Variants in UVRAG observed in about 807,000 individuals in gnomAD.
The protein encoded by UVRAG is UV radiation resistance-associated gene protein.
UVRAG carries 19 observed loss-of-function variants against 78.0 expected under a neutral mutation model. The ratio of observed to expected loss-of-function variants is 0.24; its 90% CI spans 0.17 to 0.36. The LOEUF (loss-of-function observed/expected upper bound fraction) is 0.36, where lower values mean the gene tolerates loss of function less well. UVRAG is among the 10% of genes least tolerant of loss of function. UVRAG has a pLI of 1.00. For synonymous variants in UVRAG, 323 were observed against 324.6 expected (o/e 1.00, Z 0.05); for missense variants, 740 against 853.8 (o/e 0.87, Z 1.66).
At chr11:75,949,249 C>T (rs1021936801) in intron 6 of UVRAG, among the ~76,000 whole-genome samples, 1 of 152,084 alleles carries the variant, frequency 6.6e-6, no homozygotes, top group Non-Finnish European at 1.5e-5. Flanking sequence ...ACCAGCTCTC[C>T]CAGCTGTCCT....
chr11:75,886,092 C>A (rs191746923), intron 4 of UVRAG, among the ~76,000 whole-genome samples: 7 of 152,064 alleles, frequency 4.6e-5, no homozygotes, highest in Non-Finnish European at 1.0e-4. Flanking sequence ...TCAGAGTTCC[C>A]TTCTCTGAAG....
At chr11:75,968,953 A>G (rs1949076082) in intron 7 of UVRAG, among the ~76,000 whole-genome samples, 1 of 152,192 alleles carries the variant, frequency 6.6e-6, no homozygotes, top group Admixed American at 6.5e-5. Context: ...TTCATAATAA[A>G]CAGCCTCATT....
intron 6 of UVRAG, among the ~76,000 whole-genome samples, chr11:75,938,485 A>G (rs760306400): frequency 1.3e-5 from 2 of 152,204 alleles, no homozygotes; most frequent in Non-Finnish European, 2.9e-5. Context: ...TTCTGGAAAC[A>G]CAGTTATGTT....
intron 1 of UVRAG, among the ~76,000 whole-genome samples, chr11:75,849,157 G>A (rs370570059): frequency 1.3e-4 from 19 of 141,746 alleles, no homozygotes; most frequent in Admixed American, 3.5e-4. Flanking sequence ...CAGCCTGGGC[G>A]AGACAGAGCG....
chr11:76,069,122 A>G (rs1591199324), intron 13 of UVRAG, among the ~76,000 whole-genome samples: 1 of 152,368 alleles, frequency 6.6e-6, no homozygotes, highest in Non-Finnish European at 1.5e-5. Flanking sequence ...GGTAGAGGAA[A>G]TGACAGAATT....
At chr11:75,965,905 A>T (rs919300415) in intron 7 of UVRAG, among the ~76,000 whole-genome samples, 14 of 152,074 alleles carry the variant, frequency 9.2e-5, no homozygotes, top group African/African-American at 3.4e-4. Context: ...TTCATCCAGT[A>T]CAATGTTGGA....
chr11:76,066,740 G>A (rs764414727), intron 13 of UVRAG, among the ~76,000 whole-genome samples: 11 of 152,078 alleles, frequency 7.2e-5, no homozygotes, highest in Non-Finnish European at 1.3e-4. Context: ...CAAAGTGCTG[G>A]GATTACAGGT....
intron 5 of UVRAG, among the ~76,000 whole-genome samples, chr11:75,906,480 T>G (rs1040868875): frequency 2.6e-5 from 4 of 152,124 alleles, no homozygotes; most frequent in Non-Finnish European, 5.9e-5. Context: ...CCCGAGTAGC[T>G]GGGATTACAA....
intron 6 of UVRAG, among the ~76,000 whole-genome samples, chr11:75,944,502 G>C (rs926691379): frequency 2.6e-5 from 4 of 152,146 alleles, no homozygotes; most frequent in African/African-American, 9.7e-5. Flanking sequence ...TATTGACCTA[G>C]TCTTTTTCAA....
At chr11:76,025,236 C>T (rs911334193) in intron 12 of UVRAG, among the ~76,000 whole-genome samples, 3 of 152,148 alleles carry the variant, frequency 2.0e-5, no homozygotes, top group African/African-American at 7.2e-5. Flanking sequence ...TGCAGTGTTC[C>T]TCCACCCCCC....
chr11:76,053,088 C>T (rs900339834), intron 12 of UVRAG, among the ~76,000 whole-genome samples: 1 of 151,290 alleles, frequency 6.6e-6, no homozygotes, highest in African/African-American at 2.4e-5. Context: ...GGTGAATCAC[C>T]GAAGGTCAGG....
chr11:75,877,703 C>T (rs1398730415), intron 3 of UVRAG, among the ~76,000 whole-genome samples: 1 of 141,686 alleles, frequency 7.1e-6, no homozygotes, highest in African/African-American at 2.7e-5. Flanking sequence ...GCGCCCCTCA[C>T]CTCCTGGACG....
At chr11:75,872,309 G>A (rs187837744) in intron 3 of UVRAG, among the ~76,000 whole-genome samples, 120 of 151,882 alleles carry the variant, frequency 7.9e-4, no homozygotes, top group African/African-American at 2.6e-3. Context: ...GGGGCTGCCT[G>A]GGACATAAGG....
chr11:75,978,680 T>A (rs1949313161), intron 7 of UVRAG, among the ~76,000 whole-genome samples: 1 of 152,238 alleles, frequency 6.6e-6, no homozygotes, highest in African/African-American at 2.4e-5. Flanking sequence ...AGCTTGTGCA[T>A]GCATCACATA....
chr11:75,920,008 G>GTTTTTTTTTTTTT lies in UVRAG; in HGVS notation c.593+7992_593+8004dup, dbSNP rs140217190. On this transcript the variant is annotated intron_variant, in intron 6 of 14. Coordinates refer to ENST00000356136, the MANE Select transcript of UVRAG (RefSeq NM_003369.4). ...CAAAATTTAAAATAAAATAATTTTGGTTTTTTTTTTTTTTTTTTTTTTTTT... is the reference window on the plus strand; with the variant it reads ...CAAAATTTAAAATAAAATAATTTTGGTTTTTTTTTTTTTTTTTTTTTTTTTTTTTTTTTTTTTT... Among the ~76,000 whole-genome samples, 17 of 55,492 alleles carry GTTTTTTTTTTTTT rather than the reference G, an allele frequency of 3.1e-4. 2 individuals are homozygous for GTTTTTTTTTTTTT. Among genetic ancestry groups the GTTTTTTTTTTTTT allele is most frequent in the African/African-American group, 7.6e-4 (13 of 17,214 alleles). The allele number at this position is 55,492 out of a possible 152,430, so 36.4% of individuals were successfully genotyped here.
chr11:75,954,157 A>C (rs1948753257), intron 6 of UVRAG, among the ~76,000 whole-genome samples: 1 of 152,118 alleles, frequency 6.6e-6, no homozygotes, highest in Admixed American at 6.5e-5. Context: ...CTCTGTCTTG[A>C]TGCAGCAGGG....
At position 75,826,963 on chromosome 11, in the gene UVRAG, C is replaced by T. The variant is rs573312302; in HGVS notation, c.117+11439C>T. Among the ~76,000 whole-genome samples, 4 of 152,256 alleles carry T rather than the reference C, an allele frequency of 2.6e-5. No individual in the cohort carries two copies. The East Asian group carries it at 7.7e-4, about 29-fold the overall frequency. ...ATCAGAACTTACCACTTTGGAGTCT[C>T]ACTTTGTTGGTCCATTGAAATAGCT... On this transcript the variant is annotated intron_variant, in intron 1 of 14. Coordinates refer to ENST00000356136, the MANE Select transcript of UVRAG (RefSeq NM_003369.4).
chr11:75,850,924 GA>G (rs1171593361), intron 1 of UVRAG, among the ~76,000 whole-genome samples: 1 of 152,214 alleles, frequency 6.6e-6, no homozygotes, highest in Non-Finnish European at 1.5e-5. Context: ...ATGTGCACGG[GA>G]AAAAGACCTG....
At chr11:75,946,226 A>G (rs1948586143) in intron 6 of UVRAG, among the ~76,000 whole-genome samples, 1 of 152,152 alleles carries the variant, frequency 6.6e-6, no homozygotes, top group South Asian at 2.1e-4. Context: ...AGCAACATAG[A>G]AAGTGCTCAA....
Sources: allele counts gnomAD v4.1 joint callset (sites outside exome capture counted in the v4.1 genomes callset), GRCh38; gene constraint gnomAD v4.1.1; transcripts MANE v1.5; gene names NCBI Gene and HGNC (gene_info 2026-07-23, HGNC 2026-07-21).